Variants in WDR70 observed in about 807,000 individuals in gnomAD.
WDR70 encodes the protein WD repeat domain 70, also known as WD repeat-containing protein 70.
A neutral mutation model predicts 88.6 loss-of-function variants in WDR70; 53 were observed. The ratio of observed to expected loss-of-function variants is 0.60; its 90% CI spans 0.48 to 0.75. The LOEUF is 0.75. Among genes scored for constraint, WDR70 ranks in the 30% least tolerant of loss-of-function variants. WDR70 has a pLI of 0.00. For missense variants in WDR70, 610 were observed against 823.2 expected, an observed-to-expected ratio of 0.74 and a Z score of 3.17; for synonymous variants, 280 against 270.0, an observed-to-expected ratio of 1.04 and a Z score of -0.36.
At chr5:37,583,325 C>G (rs1463836105) in intron 9 of WDR70, among the ~76,000 whole-genome samples, 1 of 151,488 alleles carries the variant, frequency 6.6e-6, no homozygotes, top group Non-Finnish European at 1.5e-5. Flanking sequence ...GGAGGCTGAG[C>G]CAGGAGAATG....
At chr5:37,481,890 A>G (rs913900348) in intron 8 of WDR70, among the ~76,000 whole-genome samples, 2 of 152,152 alleles carry the variant, frequency 1.3e-5, no homozygotes, top group African/African-American at 4.8e-5. Context: ...GTCAAGTTCA[A>G]AGTTCCACAG....
rs942376617 is a variant in WDR70, at chr5:37,675,368, T to C, written c.1093-22287T>C. Among the ~76,000 whole-genome samples, 281 of 152,234 alleles carry C rather than the reference T, an allele frequency of 1.8e-3. 1 individual carries two copies. Among genetic ancestry groups the C allele is most frequent in the African/African-American group, 6.3e-3 (260 of 41,524 alleles). On this transcript the variant is annotated intron_variant, in intron 10 of 17. Coordinates refer to ENST00000265107, the MANE Select transcript of WDR70 (RefSeq NM_018034.4). ...CTTCTAGGGTTTTTATGGTTTTAGGTCTAACGTTTAAGTCTTTAATCCATC... is the reference window on the plus strand; with the variant it reads ...CTTCTAGGGTTTTTATGGTTTTAGGCCTAACGTTTAAGTCTTTAATCCATC...
At chr5:37,743,124 A>G (rs1748533454) in intron 17 of WDR70, among the ~76,000 whole-genome samples, 1 of 152,220 alleles carries the variant, frequency 6.6e-6, no homozygotes, top group African/African-American at 2.4e-5. Context: ...TCTCATCAAA[A>G]TTGACTAGAA....
At chr5:37,430,616 A>G (rs1458153783) in intron 5 of WDR70, among the ~76,000 whole-genome samples, 2 of 151,378 alleles carry the variant, frequency 1.3e-5, no homozygotes, top group Admixed American at 6.6e-5. Flanking sequence ...GCTGGAGTGC[A>G]GTGGCATGAT....
chr5:37,641,660 G>A (rs528234666), intron 10 of WDR70, among the ~76,000 whole-genome samples: 36 of 152,034 alleles, frequency 2.4e-4, no homozygotes, highest in Admixed American at 8.5e-4. Context: ...TAGGTGATCT[G>A]TTTGCCTCGG....
chr5:37,520,861 G>C (rs1258799766), intron 9 of WDR70, among the ~76,000 whole-genome samples: 1 of 152,154 alleles, frequency 6.6e-6, no homozygotes, highest in Admixed American at 6.5e-5. Context: ...GTTTAAATAG[G>C]AAACAAGACA....
chr5:37,695,352 A>G (rs985995558), intron 10 of WDR70, among the ~76,000 whole-genome samples: 3 of 152,210 alleles, frequency 2.0e-5, no homozygotes, highest in African/African-American at 4.8e-5. Context: ...GGGTGGGGAC[A>G]CAGATCCAAA....
intron 5 of WDR70, among the ~76,000 whole-genome samples, chr5:37,421,982 G>A (rs1484393893): frequency 6.6e-6 from 1 of 151,856 alleles, no homozygotes; most frequent in Non-Finnish European, 1.5e-5. Flanking sequence ...AGGGTCCCAG[G>A]AAGCCAGGTC....
intron 10 of WDR70, among the ~76,000 whole-genome samples, chr5:37,694,960 G>C (rs1400860542): frequency 2.0e-5 from 3 of 151,958 alleles, no homozygotes; most frequent in Admixed American, 2.0e-4. Context: ...ATGGTATATT[G>C]GTCTGTTCTC....
chr5:37,722,616 C>T (rs1419352979), intron 14 of WDR70: 2 of 502,808 alleles, frequency 4.0e-6, no homozygotes. Context: ...GTCCTGTTGC[C>T]CTGTTACCTC....
intron 9 of WDR70, among the ~76,000 whole-genome samples, chr5:37,525,187 C>T (rs1447011271): frequency 6.6e-6 from 1 of 152,184 alleles, no homozygotes; most frequent in Non-Finnish European, 1.5e-5. Flanking sequence ...TTCTTCTCAG[C>T]ACCACATTGC....
intron 10 of WDR70, among the ~76,000 whole-genome samples, chr5:37,631,707 G>A (rs1367398086): frequency 2.6e-5 from 4 of 152,154 alleles, no homozygotes; most frequent in Non-Finnish European, 5.9e-5. Flanking sequence ...GGGCCTCTCA[G>A]TGTGTGGGAT....
intron 8 of WDR70, among the ~76,000 whole-genome samples, chr5:37,510,330 A>T (rs924497902): frequency 6.6e-6 from 1 of 152,176 alleles, no homozygotes; most frequent in Non-Finnish European, 1.5e-5. Flanking sequence ...TCATATATAT[A>T]TGCATATGCA....
At chr5:37,497,854 C>T (rs1740277363) in intron 8 of WDR70, among the ~76,000 whole-genome samples, 1 of 152,010 alleles carries the variant, frequency 6.6e-6, no homozygotes, top group African/African-American at 2.4e-5. Flanking sequence ...CAGAGTCTCA[C>T]TCTGTCACCC....
At chr5:37,395,018 G>A (rs1387705341) in intron 4 of WDR70, among the ~76,000 whole-genome samples, 1 of 152,174 alleles carries the variant, frequency 6.6e-6, no homozygotes, top group East Asian at 1.9e-4. Context: ...GCATTTTTTA[G>A]ATGCTAGAAA....
chr5:37,427,127 C>T (rs1488532190), intron 5 of WDR70, among the ~76,000 whole-genome samples: 4 of 152,156 alleles, frequency 2.6e-5, no homozygotes, highest in Admixed American at 2.6e-4. Flanking sequence ...CGGTGGCTCA[C>T]GCCTATAATC....
At chr5:37,603,633 T>C (rs900648374) in intron 9 of WDR70, among the ~76,000 whole-genome samples, 1 of 152,226 alleles carries the variant, frequency 6.6e-6, no homozygotes, top group Non-Finnish European at 1.5e-5. Flanking sequence ...AAAAAGCTTC[T>C]AATCTTTGTC....
chr5:37,419,668 A>T (rs1749880631), intron 5 of WDR70, among the ~76,000 whole-genome samples: 1 of 151,838 alleles, frequency 6.6e-6, no homozygotes, highest in Admixed American at 6.6e-5. Context: ...ACAAAAAATT[A>T]ACCGGGTGCG....
At chr5:37,484,649 A>T (rs1739800669) in intron 8 of WDR70, among the ~76,000 whole-genome samples, 2 of 152,248 alleles carry the variant, frequency 1.3e-5, no homozygotes, top group South Asian at 4.1e-4. Context: ...TTAAGATTAA[A>T]GTATATTATA....
Sources: gnomAD v4.1 joint callset for allele counts (sites outside exome capture counted in the v4.1 genomes callset) on GRCh38, gnomAD v4.1.1 for gene constraint, MANE v1.5 for transcripts, NCBI Gene and HGNC (gene_info 2026-07-23, HGNC 2026-07-21) for gene names.